ACP3: variants seen among roughly 807,000 people sequenced by gnomAD.
ACP3 encodes prostatic acid phosphatase.
ACP3 carries 38 observed loss-of-function variants against 45.6 expected under a neutral mutation model. That is an observed-to-expected ratio of 0.83 (90% CI 0.64 to 1.09). The LOEUF (loss-of-function observed/expected upper bound fraction) is 1.09, where lower values mean the gene tolerates loss of function less well. ACP3 is among the 50% of genes least tolerant of loss of function. The pLI is 0.00. For synonymous variants in ACP3, 162 were observed against 164.7 expected (o/e 0.98, Z 0.13); for missense variants, 466 against 463.2 (o/e 1.01, Z -0.05).
chr3:132,317,721 T>A (rs1937135614), intron 1 of ACP3, 145 bp downstream of exon 1: 1 of 977,362 alleles, frequency 1.0e-6, no homozygotes, highest in Non-Finnish European at 1.4e-6. Context: ...TAATCAAGTT[T>A]TGCAAGTTCC....
chr3:132,346,456 T>C (rs890494693), intron 7 of ACP3, among the ~76,000 whole-genome samples: 22 of 152,244 alleles, frequency 1.4e-4, no homozygotes, highest in African/African-American at 4.6e-4. Flanking sequence ...TTGATAGAAA[T>C]GTGCAAGTCC....
In ACP3 at chr3:132,353,479, T is replaced by C. The variant is rs114602346; in HGVS notation, c.968+656T>C. Reference sequence around the variant, plus strand: ...CAAGGTCATACCAAAAATATTTATCTGCTGTGACAACGACATTCTCATTGG... The same window carrying C: ...CAAGGTCATACCAAAAATATTTATCCGCTGTGACAACGACATTCTCATTGG... On this transcript the variant is annotated intron_variant, in intron 9 of 9. Transcript: ENST00000336375. Among the ~76,000 whole-genome samples the C allele has an allele frequency of 8.4e-3, 1,282 of 152,354 alleles. 16 individuals are homozygous for C. The highest frequency in any genetic ancestry group is 0.029 in the African/African-American group (1,213 of 41,584).
In ACP3 at chr3:132,366,816, T is replaced by C. The variant is rs116055764; in HGVS notation, c.1139-888T>C. ...GATAAGATCCCAACCCCAATACAAT[T>C]ATCTGCTTAACCATAACCAGATTAT... On this transcript the variant is annotated intron_variant, in intron 10 of 10. Coordinates refer to the ACP3 transcript ENST00000351273. Among the ~76,000 whole-genome samples, 356 of 152,334 alleles carry C rather than the reference T, an allele frequency of 2.3e-3. 2 individuals are homozygous for C. Among genetic ancestry groups the C allele is most frequent in the African/African-American group, 8.1e-3 (335 of 41,578 alleles).
intron 9 of ACP3, among the ~76,000 whole-genome samples, chr3:132,355,090 G>C (rs1019785251): frequency 6.6e-6 from 1 of 152,200 alleles, no homozygotes; most frequent in African/African-American, 2.4e-5. Context: ...GGCACCCAGG[G>C]TTCCCTCTTT....
chr3:132,340,172 A>G (rs1211617868), intron 5 of ACP3, among the ~76,000 whole-genome samples: 1 of 151,996 alleles, frequency 6.6e-6, no homozygotes, highest in East Asian at 1.9e-4. Context: ...AAAATTAGCC[A>G]GGCGTGGTGG....
chr3:132,331,051 G>A (rs545949580), intron 2 of ACP3, among the ~76,000 whole-genome samples: 1 of 152,294 alleles, frequency 6.6e-6, no homozygotes, highest in East Asian at 1.9e-4. Context: ...ATATTCTTGA[G>A]CACCACCCCC....
chr3:132,362,292 C>T (rs1938055040), downstream of ACP3, among the ~76,000 whole-genome samples: 1 of 152,158 alleles, frequency 6.6e-6, no homozygotes, highest in Non-Finnish European at 1.5e-5. Flanking sequence ...TTTCCAACAT[C>T]CTATTTCTAC....
intron 4 of ACP3, among the ~76,000 whole-genome samples, chr3:132,333,930 G>A (rs747165383): frequency 2.6e-5 from 4 of 152,080 alleles, no homozygotes; most frequent in Non-Finnish European, 5.9e-5. Flanking sequence ...TATTAGCTGG[G>A]CATGGTGGTG....
At chr3:132,339,355 C>T (rs573578270) in intron 5 of ACP3, among the ~76,000 whole-genome samples, 16 of 152,178 alleles carry the variant, frequency 1.1e-4, no homozygotes, top group Non-Finnish European at 2.2e-4. Context: ...AAAGGCAGCC[C>T]GTTCTGCAGT....
chr3:132,323,595 G>A (rs1258069535), intron 1 of ACP3, among the ~76,000 whole-genome samples: 2 of 152,234 alleles, frequency 1.3e-5, no homozygotes, highest in African/African-American at 4.8e-5. Flanking sequence ...GATGAGTGGT[G>A]TGTATGCTGA....
chr3:132,363,444 C>A (rs1283296578), downstream of ACP3, among the ~76,000 whole-genome samples: 3 of 152,214 alleles, frequency 2.0e-5, no homozygotes, highest in Admixed American at 1.3e-4. Flanking sequence ...GACCACAGCT[C>A]CTCCCTTACC....
intron 1 of ACP3, among the ~76,000 whole-genome samples, chr3:132,326,982 T>C (rs1413663010): frequency 6.6e-6 from 1 of 152,232 alleles, no homozygotes; most frequent in East Asian, 1.9e-4. Context: ...TGAGAAAGCA[T>C]ATTAGAATCA....
At chr3:132,319,480 A>G (rs1937167462) in intron 1 of ACP3, among the ~76,000 whole-genome samples, 1 of 152,210 alleles carries the variant, frequency 6.6e-6, no homozygotes, top group African/African-American at 2.4e-5. Context: ...ACAATCCTCT[A>G]AAATAAGGTC....
exon 11 of ACP3, chr3:132,367,964 C>T (rs1938158311): frequency 1.5e-6 from 1 of 672,888 alleles, no homozygotes; most frequent in Non-Finnish European, 2.6e-6. Flanking sequence ...AGGGTCTGAA[C>T]TCACAGTGAC....
At chr3:132,343,320 G>A (rs759404195) in intron 6 of ACP3, among the ~76,000 whole-genome samples, 1 of 152,174 alleles carries the variant, frequency 6.6e-6, no homozygotes, top group Admixed American at 6.5e-5. Flanking sequence ...CATCGTGAGA[G>A]TCTGGGGGGC....
At chr3:132,356,295 A>G (rs978995380) in intron 9 of ACP3, among the ~76,000 whole-genome samples, 10 of 152,172 alleles carry the variant, frequency 6.6e-5, no homozygotes, top group Admixed American at 4.6e-4. Context: ...CAGAAAAAGA[A>G]AAAAAGGAGC....
At position 132,357,039 on chromosome 3, in the gene ACP3, T is replaced by C; in HGVS notation, c.*161T>C. ...CCAACCTCAGGCAATTCCTACCTCT[T>C]CACCTGACCCTGCCCCCACTTGCCA... On this transcript the variant is annotated 3_prime_UTR_variant, in exon 10 of 10. Transcript: ENST00000336375. 7.2e-7 allele frequency: 1 copy of C among 1,381,484 alleles called. No individual in the cohort carries two copies. The highest frequency in any genetic ancestry group is 9.3e-7 in the Non-Finnish European group (1 of 1,070,700). The allele number at this position is 1,381,484 out of a possible 1,614,324, so 85.6% of individuals were successfully genotyped here. A position where few individuals can be genotyped will look rare whatever the true frequency, so the allele number is the denominator to read the frequency against.
chr3:132,346,936 C>T (rs1319760429), intron 7 of ACP3, among the ~76,000 whole-genome samples: 1 of 152,302 alleles, frequency 6.6e-6, no homozygotes, highest in Non-Finnish European at 1.5e-5. Context: ...TTATACCAGA[C>T]AGGAGTTGAC....
Position 132,345,060 on chromosome 3 carries a change from G to A in ACP3, c.781+1G>A, listed in dbSNP as rs200171664. 3 of 1,612,252 alleles carry A rather than the reference G, an allele frequency of 1.9e-6. No homozygotes were observed. Among genetic ancestry groups the A allele is most frequent in the East Asian group, 2.2e-5 (1 of 44,814 alleles). ...AAAGAGAAATCTAGGCTCCAAGGGG[G>A]TAAGTATTAAAAAATGAGAGGAGCA... On this transcript the variant is annotated splice_donor_variant, in intron 7 of 9. Coordinates refer to ENST00000336375, the MANE Select transcript of ACP3 (RefSeq NM_001099.5). LOFTEE classifies it high-confidence loss of function.
Sources: gnomAD v4.1 joint callset for allele counts (sites outside exome capture counted in the v4.1 genomes callset) on GRCh38, gnomAD v4.1.1 for gene constraint, MANE v1.5 for transcripts, NCBI Gene and HGNC (gene_info 2026-07-23, HGNC 2026-07-21) for gene names.